ADAMTS7: variants seen among roughly 807,000 people sequenced by gnomAD.
The protein encoded by ADAMTS7 is ADAM metallopeptidase with thrombospondin type 1 motif 7.
ADAMTS7 carries 89 observed loss-of-function variants against 172.6 expected under a neutral mutation model. The observed-to-expected ratio is 0.52, with a 90% CI of 0.43 to 0.61. The LOEUF (loss-of-function observed/expected upper bound fraction) is 0.61. ADAMTS7 is among the 20% of genes least tolerant of loss of function. ADAMTS7 has a pLI of 0.00. For synonymous variants in ADAMTS7, 885 were observed against 978.4 expected, an observed-to-expected ratio of 0.90 and a Z score of 1.78; for missense variants, 1,973 against 2,355.6, an observed-to-expected ratio of 0.84 and a Z score of 3.36.
intron 16 of ADAMTS7, chr15:78,770,727 G>GAGCA (rs1474206055): frequency 1.1e-5 from 2 of 173,922 alleles, no homozygotes; most frequent in Non-Finnish European, 2.5e-5. Flanking sequence ...GGAGACTGAG[G>GAGCA]AGCAGTGGGG....
rs573570334 is a variant in ADAMTS7, at chr15:78,774,682, G to A, written c.1818C>T (p.His606=). The change falls in exon 12 of 24, where the codon CAC becomes CAT. Residue 606 remains histidine, a synonymous_variant. Coordinates refer to ENST00000388820, the MANE Select transcript of ADAMTS7 (RefSeq NM_014272.5). ...GGCCCTTGTAGAGCATAGCGTCAAA[G>A]TGGCTGCACTGGACGTGGCGGAAGG... ...RPSFRHVQCS[H]FDAMLYKGQL... 9 of 1,611,698 alleles carry A rather than the reference G, an allele frequency of 5.6e-6. No individual in the cohort carries two copies. In the East Asian group the frequency reaches 2.0e-4, roughly 36 times the overall value.
chr15:78,788,090 A>G lies in ADAMTS7; in HGVS notation c.1322+141T>C, dbSNP rs1596192552. ...CAGTGTGACTGTCTGCATCACCCCC[A>G]TTAGACCTTGACCTCATGTATCAAG... On this transcript the variant is annotated intron_variant, in intron 8 of 23. Transcript: ENST00000388820. 2.5e-5 allele frequency: 30 copies of G among 1,177,868 alleles called. No homozygotes were observed. The South Asian group carries it at 3.6e-4, about 14-fold the overall frequency. 73.0% of individuals were successfully genotyped at this position (1,177,868 alleles called of 1,614,324 possible).
Position 78,798,119 on chromosome 15 carries a change from G to C in ADAMTS7, c.457-6C>G. 6.5e-7 allele frequency: 1 copy of C among 1,546,950 alleles called. No individual in the cohort carries two copies. Among genetic ancestry groups the C allele is most frequent in the South Asian group, 1.2e-5 (1 of 81,400 alleles). ...GAGAGCTGGAACACACCTTTCTGGGGAAGAAGCACCAGGGTCACACAGGGA... is the reference window on the plus strand; with the variant it reads ...GAGAGCTGGAACACACCTTTCTGGGCAAGAAGCACCAGGGTCACACAGGGA... On this transcript the variant is annotated splice_polypyrimidine_tract_variant and splice_region_variant and intron_variant, in intron 2 of 23. Transcript: ENST00000388820.
At chr15:78,778,157 C>T (rs2055379388) in intron 8 of ADAMTS7, among the ~76,000 whole-genome samples, 1 of 152,252 alleles carries the variant, frequency 6.6e-6, no homozygotes, top group South Asian at 2.1e-4. Flanking sequence ...CTGTCATACC[C>T]TATCTACTCC....
chr15:78,764,516 T>C (rs1381012492), intron 20 of ADAMTS7, 39 bp downstream of exon 20: 1 of 1,523,348 alleles, frequency 6.6e-7, no homozygotes, highest in Non-Finnish European at 8.8e-7. Flanking sequence ...CTCCACCCCA[T>C]GCCCTGGGAA....
At chr15:78,797,759 C>T (rs2055665015) in intron 3 of ADAMTS7, among the ~76,000 whole-genome samples, 189 bp downstream of exon 3, 1 of 152,104 alleles carries the variant, frequency 6.6e-6, no homozygotes, top group African/African-American at 2.4e-5. Flanking sequence ...GGGGCAGGCC[C>T]GAAAGGCAGA....
At chr15:78,809,686 T>C (rs562977193) in intron 1 of ADAMTS7, among the ~76,000 whole-genome samples, 1 of 152,354 alleles carries the variant, frequency 6.6e-6, no homozygotes, top group East Asian at 1.9e-4. Flanking sequence ...ACCCAAGTCC[T>C]GAGGGAAGCA....
Position 78,767,418 on chromosome 15 carries a change from T to A in ADAMTS7, c.2820A>T (p.Val940=). The A allele has an allele frequency of 6.2e-7, 1 of 1,611,726 alleles. No individual in the cohort carries two copies. Among genetic ancestry groups the A allele is most frequent in the Non-Finnish European group, 8.5e-7 (1 of 1,179,804 alleles). The change falls in exon 18 of 24, where the codon GTA becomes GTT. Residue 940 remains valine (V), a synonymous_variant. Coordinates refer to ENST00000388820, the MANE Select transcript of ADAMTS7 (RefSeq NM_014272.5). The part of the protein sequence containing the change: ...PPTETPCNRH[V]PCPATWAVGN... ...CCACAGCCCAGGTGGCCGGACAGGG[T>A]ACATGGCGGTTGCAAGGGGTTTCAG... is the stretch of plus-strand genomic sequence containing the variant.
intron 6 of ADAMTS7, 104 bp downstream of exon 6, chr15:78,790,566 T>G (rs192833422): frequency 1.2e-4 from 184 of 1,490,304 alleles, no homozygotes; most frequent in Admixed American, 4.8e-4. Context: ...TCCTCAAAAT[T>G]GGGCTCCCTG....
chr15:78,767,233 T>A, intron 18 of ADAMTS7, 146 bp downstream of exon 18: 2 of 1,198,390 alleles, frequency 1.7e-6, no homozygotes, highest in South Asian at 3.0e-5. Flanking sequence ...GGCTTCCTGA[T>A]CCCTGAGGCT....
chr15:78,790,557 C>G, intron 6 of ADAMTS7, 113 bp downstream of exon 6: 1 of 1,439,026 alleles, frequency 6.9e-7, no homozygotes, highest in Non-Finnish European at 9.4e-7. Flanking sequence ...CGCAAACTCT[C>G]CTCAAAATTG....
intron 1 of ADAMTS7, among the ~76,000 whole-genome samples, chr15:78,805,052 C>G (rs1372950691): frequency 2.6e-5 from 4 of 152,230 alleles, no homozygotes; most frequent in African/African-American, 9.6e-5. Context: ...CCCAGAGATT[C>G]TGGTTGCACA....
At chr15:78,800,865 G>C (rs1361041565) in intron 1 of ADAMTS7, among the ~76,000 whole-genome samples, 11 of 152,094 alleles carry the variant, frequency 7.2e-5, no homozygotes, top group Admixed American at 7.2e-4. Context: ...CTCCACCTCA[G>C]GAGTAGCTGG....
intron 23 of ADAMTS7, among the ~76,000 whole-genome samples, chr15:78,759,822 G>T (rs1304003017): frequency 6.6e-6 from 1 of 152,160 alleles, no homozygotes; most frequent in Non-Finnish European, 1.5e-5. Flanking sequence ...CTGGAGGAAA[G>T]GTCCTGAGAC....
At chr15:78,808,124 G>A (rs1181653569) in intron 1 of ADAMTS7, among the ~76,000 whole-genome samples, 1 of 151,974 alleles carries the variant, frequency 6.6e-6, no homozygotes, top group African/African-American at 2.4e-5. Flanking sequence ...CCAAAGTGCT[G>A]GAATTACAGG....
intron 8 of ADAMTS7, among the ~76,000 whole-genome samples, chr15:78,782,504 G>A (rs1292779845): frequency 1.1e-3 from 161 of 151,868 alleles, no homozygotes; most frequent in African/African-American, 3.7e-3. Context: ...AATATGGCAT[G>A]TTGAGCAGAC....
intron 8 of ADAMTS7, among the ~76,000 whole-genome samples, chr15:78,777,994 C>T (rs111559670): frequency 3.2e-4 from 49 of 152,238 alleles, no homozygotes; most frequent in African/African-American, 1.1e-3. Context: ...ACAGTTGACA[C>T]AACAGAGCCT....
intron 1 of ADAMTS7, among the ~76,000 whole-genome samples, chr15:78,806,127 CAAAAAAAAAAAAAAAAA>C (rs1169680816): frequency 4.7e-4 from 11 of 23,256 alleles, no homozygotes; most frequent in African/African-American, 1.3e-3. Flanking sequence ...CACACACACA[CAAAAAAAAAAAAAAAAA>C]AAAAAAAAAA....
chr15:78,765,466 C>A (rs191289870), intron 19 of ADAMTS7, among the ~76,000 whole-genome samples, 179 bp downstream of exon 19: 92 of 152,354 alleles, frequency 6.0e-4, no homozygotes, highest in Middle Eastern at 3.4e-3. Flanking sequence ...TTCCCTGAGG[C>A]CCCCTGTGCT....
Sources: allele counts gnomAD v4.1 joint callset (sites outside exome capture counted in the v4.1 genomes callset), GRCh38; gene constraint gnomAD v4.1.1; transcripts MANE v1.5; gene names NCBI Gene and HGNC (gene_info 2026-07-23, HGNC 2026-07-21).